The following AFF1 variants were observed in gnomAD, a reference collection of about 807,000 sequenced individuals.
The protein encoded by AFF1 is AF4/FMR2 family member 1.
Under a neutral mutation model 121.7 loss-of-function variants are expected in AFF1, and 48 were observed. The ratio of observed to expected loss-of-function variants is 0.39; its 90% CI spans 0.31 to 0.50. The LOEUF is 0.50. Among genes scored for constraint, AFF1 ranks in the 20% least tolerant of loss-of-function variants. The pLI is 0.76. For missense variants in AFF1, 1,523 were observed against 1,511.7 expected (o/e 1.01, Z -0.12); for synonymous variants, 613 against 563.0 (o/e 1.09, Z -1.26).
chr4:87,134,591 C>A lies in AFF1; in HGVS notation c.3432C>A (p.Val1144=). Residue 1144 remains valine (V), a synonymous_variant, in exon 20 of 21, where the codon GTC becomes GTA. Coordinates refer to ENST00000395146, the MANE Select transcript of AFF1 (RefSeq NM_001166693.3). The part of the protein sequence containing the change: ...SGVAATISTP[V]TIQNMTSSYV... ...TGGCTGCCACTATCAGCACCCCAGT[C>A]ACCATCCAGAATATGACATCTTCCT... 1 of 1,614,178 alleles carries A rather than the reference C, an allele frequency of 6.2e-7. No homozygotes were observed. Among genetic ancestry groups the A allele is most frequent in the South Asian group, 1.1e-5 (1 of 91,072 alleles).
intron 18 of AFF1, 32 bp downstream of exon 18, chr4:87,131,896 A>T: frequency 6.7e-7 from 1 of 1,503,054 alleles, no homozygotes; most frequent in South Asian, 1.3e-5. Flanking sequence ...AATAGTACTA[A>T]ATTTGTTTTT....
At chr4:86,996,324 C>G (rs1249284050) in intron 2 of AFF1, among the ~76,000 whole-genome samples, 1 of 152,074 alleles carries the variant, frequency 6.6e-6, no homozygotes, top group African/African-American at 2.4e-5. Context: ...CGGATGGTTG[C>G]TGTGTCTGTG....
Position 87,114,858 on chromosome 4 carries a change from G to T in AFF1, c.2025G>T (p.Glu675Asp), listed in dbSNP as rs1726927211. Residue 675 changes from glutamate to aspartate, a missense_variant, in exon 12 of 21, where the codon GAG becomes GAT. Physicochemically the swap from Glu to Asp is conservative, Grantham distance 45. Transcript: ENST00000395146. Reference protein sequence around the residue: ...EPKPAVPPSSEKKKHKSSLPA... With the variant: ...EPKPAVPPSSDKKKHKSSLPA... ...AGCCAGCAGTGCCCCCCTCCAGTGA[G>T]AAGAAGAAGCACAAGAGCTCCCTCC... The T allele has an allele frequency of 6.2e-7, 1 of 1,613,788 alleles. No homozygotes were observed. The highest frequency in any genetic ancestry group is 8.5e-7 in the Non-Finnish European group (1 of 1,179,936).
chr4:86,966,389 G>T (rs759187565), intron 2 of AFF1, among the ~76,000 whole-genome samples: 2 of 151,896 alleles, frequency 1.3e-5, no homozygotes, highest in Non-Finnish European at 2.9e-5. Context: ...GATAAAAGTT[G>T]GCATTCCTCA....
rs747872633 is a variant in AFF1, at chr4:87,047,032, T to G, written c.497T>G (p.Leu166Arg). 3 of 1,614,140 alleles carry G rather than the reference T, an allele frequency of 1.9e-6. No homozygotes were observed. Among genetic ancestry groups the G allele is most frequent in the Non-Finnish European group, 2.5e-6 (3 of 1,180,018 alleles). The change falls in exon 4 of 21, where the codon CTG becomes CGG. Residue 166 changes from leucine (L) to arginine (R), a missense_variant. By Grantham distance (102) the Leu-to-Arg change is moderately radical (BLOSUM62 -2). Coordinates refer to ENST00000395146, the MANE Select transcript of AFF1 (RefSeq NM_001166693.3). ...KSCGPPDSQH[L>R]TQDRLGQEGF... is the part of the protein sequence containing the mutation. ...TGCGGCCCACCGGACAGCCAGCACC[T>G]GACCCAGGATCGCCTTGGTCAGGAG... is the stretch of plus-strand genomic sequence containing the variant.
intron 1 of AFF1, among the ~76,000 whole-genome samples, chr4:86,946,034 T>G (rs570128628): frequency 3.9e-4 from 59 of 152,318 alleles, no homozygotes; most frequent in African/African-American, 1.4e-3. Context: ...GTGGTTCTTT[T>G]TGATGTTTTA....
At chr4:87,011,297 G>A (rs765179934) in intron 2 of AFF1, among the ~76,000 whole-genome samples, 37 of 152,108 alleles carry the variant, frequency 2.4e-4, no homozygotes, top group Admixed American at 1.9e-3. Context: ...CTCTCCCACA[G>A]TTTTTAACTT....
chr4:86,938,449 CAAAA>C (rs35867614), intron 1 of AFF1, among the ~76,000 whole-genome samples: 6 of 100,034 alleles, frequency 6.0e-5, no homozygotes, highest in African/African-American at 3.7e-5. Context: ...GACTCCGTCT[CAAAA>C]AAAAAAAAAA....
At chr4:86,969,341 T>C (rs1722758046) in intron 2 of AFF1, among the ~76,000 whole-genome samples, 1 of 150,808 alleles carries the variant, frequency 6.6e-6, no homozygotes, top group Admixed American at 6.6e-5. Context: ...TAGCTTGGCG[T>C]GGTGGCACGT....
chr4:86,971,887 A>G (rs992117803), intron 2 of AFF1, among the ~76,000 whole-genome samples: 1 of 152,178 alleles, frequency 6.6e-6, no homozygotes, highest in Non-Finnish European at 1.5e-5. Flanking sequence ...CTATTATCCC[A>G]GCACTTGGGG....
At position 87,112,625 on chromosome 4, in the gene AFF1, C is replaced by T. The variant is rs144816371; in HGVS notation, c.1534-1742C>T. Among the ~76,000 whole-genome samples the T allele has an allele frequency of 4.1e-3, 630 of 152,272 alleles. 4 individuals are homozygous for T. Among genetic ancestry groups the T allele is most frequent in the Middle Eastern group, 0.01 (3 of 294 alleles). ...GCCACATATTTTGCATCATGGATTTCCATGTTTTATGGAGTTGAATTATTT... is the reference window on the plus strand; with the variant it reads ...GCCACATATTTTGCATCATGGATTTTCATGTTTTATGGAGTTGAATTATTT... On this transcript the variant is annotated intron_variant, in intron 11 of 20. Coordinates refer to ENST00000395146, the MANE Select transcript of AFF1 (RefSeq NM_001166693.3).
chr4:86,973,122 A>G (rs1413445891), intron 2 of AFF1, among the ~76,000 whole-genome samples: 1 of 152,136 alleles, frequency 6.6e-6, no homozygotes, highest in Non-Finnish European at 1.5e-5. Flanking sequence ...TGGTGTTGCA[A>G]TCAACTTGGA....
At chr4:86,968,072 C>T (rs1184475076) in intron 2 of AFF1, among the ~76,000 whole-genome samples, 1 of 152,150 alleles carries the variant, frequency 6.6e-6, no homozygotes, top group Non-Finnish European at 1.5e-5. Flanking sequence ...AGAGTGCTCT[C>T]TTGGCCAAGG....
intron 4 of AFF1, among the ~76,000 whole-genome samples, chr4:87,068,807 G>A (rs188642145): frequency 3.7e-4 from 56 of 152,272 alleles, no homozygotes; most frequent in African/African-American, 1.2e-3. Context: ...TGTAAGGGCC[G>A]CCATTGCAGC....
chr4:86,950,642 C>T (rs1161446441), intron 2 of AFF1, among the ~76,000 whole-genome samples: 1 of 152,162 alleles, frequency 6.6e-6, no homozygotes, highest in African/African-American at 2.4e-5. Flanking sequence ...ACTTCTCCCC[C>T]TTTCTGGTTC....
chr4:87,121,026 CAG>C (rs2307788), intron 12 of AFF1, among the ~76,000 whole-genome samples: 98,185 of 151,766 alleles, frequency 0.65, 32,128 homozygotes, highest in African/African-American at 0.74. Context: ...CAGCATCTGG[CAG>C]AGATGATCAG....
At chr4:87,125,897 CTA>C (rs1728189232) in intron 13 of AFF1, among the ~76,000 whole-genome samples, 200 bp from the exon 14 acceptor site, 1 of 152,182 alleles carries the variant, frequency 6.6e-6, no homozygotes, top group African/African-American at 2.4e-5. Context: ...AGCTTAGAAA[CTA>C]TACAGCTTCA....
At chr4:87,061,558 A>C (rs748290467) in intron 4 of AFF1, among the ~76,000 whole-genome samples, 1 of 152,190 alleles carries the variant, frequency 6.6e-6, no homozygotes, top group African/African-American at 2.4e-5. Flanking sequence ...TAGTACCTTC[A>C]CATTGAAATC....
At chr4:87,103,706 A>C (rs1288956813) in intron 8 of AFF1, among the ~76,000 whole-genome samples, 2 of 152,250 alleles carry the variant, frequency 1.3e-5, no homozygotes, top group Admixed American at 1.3e-4. Flanking sequence ...GACTTACTTT[A>C]GGAGAGTATA....
Sources: allele counts gnomAD v4.1 joint callset (sites outside exome capture counted in the v4.1 genomes callset), GRCh38; gene constraint gnomAD v4.1.1; transcripts MANE v1.5; gene names NCBI Gene and HGNC (gene_info 2026-07-23, HGNC 2026-07-21).